FHIP2B: variants seen among roughly 807,000 people sequenced by gnomAD.
FHIP2B encodes the protein FHF complex subunit HOOK interacting protein 2B.
Under a neutral mutation model 84.0 loss-of-function variants are expected in FHIP2B, and 72 were observed. The ratio of observed to expected loss-of-function variants is 0.86; its 90% CI spans 0.71 to 1.04. The LOEUF is 1.04. Among genes scored for constraint, FHIP2B ranks in the 50% least tolerant of loss-of-function variants. The pLI, the probability that FHIP2B is intolerant of heterozygous loss-of-function variation, is 0.00. For synonymous variants in FHIP2B, 497 were observed against 418.7 expected, an observed-to-expected ratio of 1.19 and a Z score of -2.28; for missense variants, 972 against 968.9, an observed-to-expected ratio of 1.00 and a Z score of -0.04.
Position 22,098,152 on chromosome 8 carries a change from T to G in FHIP2B, c.610T>G (p.Cys204Gly). Residue 204 changes from cysteine (C) to glycine (G), a missense_variant, in exon 6 of 17, where the codon TGC (cysteine) becomes GGC (glycine). Transcript: ENST00000289921. ...CACAACCAGCCACGGGGACAAGGAC[T>G]GCTCCCACGATGGTGCTCCTGCCAG... ...KDTTSHGDKD[C>G]SHDGAPARPQ... 3 of 1,577,292 alleles carry G rather than the reference T, an allele frequency of 1.9e-6. No individual in the cohort carries two copies. Among genetic ancestry groups the G allele is most frequent in the Non-Finnish European group, 2.6e-6 (3 of 1,161,972 alleles).
At position 22,098,630 on chromosome 8, in the gene FHIP2B, A is replaced by G; in HGVS notation, c.965+11A>G. ...GGGCATCAGCTGGAGGTGGGTGCCC[A>G]GCCCGGGAAGGCCGGCCAGCATCTT... is the stretch of plus-strand genomic sequence containing the variant. On this transcript the variant is annotated intron_variant, in intron 7 of 16. Coordinates refer to ENST00000289921, the MANE Select transcript of FHIP2B (RefSeq NM_022749.7). 1 of 1,538,954 alleles carries G rather than the reference A, an allele frequency of 6.5e-7. No homozygotes were observed.
chr8:22,094,333 T>G, intron 1 of FHIP2B, 107 bp from the exon 2 acceptor site: 4 of 1,112,362 alleles, frequency 3.6e-6, no homozygotes, highest in Non-Finnish European at 4.9e-6. Context: ...TGCCTCCTCA[T>G]GAGGAGGCCT....
rs1217345355 is a variant in FHIP2B, at chr8:22,091,278, GTCT to G, written c.45+1983_45+1985del. On this transcript the variant is annotated intron_variant, in intron 1 of 16. Coordinates refer to ENST00000289921, the MANE Select transcript of FHIP2B (RefSeq NM_022749.7). Reference sequence around the variant, plus strand: ...TTTTTTTTTTTTTTTTTAAGATGGAGTCTTCCACTGTCACCCAGGCTGGAGTGC... The same window carrying G: ...TTTTTTTTTTTTTTTTTAAGATGGAGTCCACTGTCACCCAGGCTGGAGTGC... 5.4e-5 allele frequency among the ~76,000 whole-genome samples: 7 copies of G among 130,762 alleles called. 1 individual carries two copies. The highest frequency in any genetic ancestry group is 1.7e-4 in the Admixed American group (2 of 11,772). The allele number at this position is 130,762 out of a possible 152,430, so 85.8% of individuals were successfully genotyped here.
At chr8:22,093,609 C>G (rs919628101) in intron 1 of FHIP2B, among the ~76,000 whole-genome samples, 6 of 149,716 alleles carry the variant, frequency 4.0e-5, no homozygotes, top group Non-Finnish European at 7.4e-5. Flanking sequence ...TTGTTAATAT[C>G]ATGCTAATGT....
chr8:22,101,143 C>T, intron 12 of FHIP2B, 171 bp downstream of exon 12: 5 of 811,638 alleles, frequency 6.2e-6, no homozygotes, highest in Non-Finnish European at 9.5e-6. Context: ...GTGCCTCAGC[C>T]TCCCGAGTAC....
intron 2 of FHIP2B, chr8:22,094,803 A>G (rs182662840): frequency 8.1e-7 from 1 of 1,241,006 alleles, no homozygotes; most frequent in Admixed American, 4.4e-5. Flanking sequence ...TCTGCAAGGA[A>G]GAGGTGGCTG....
rs1176508680 is a variant in FHIP2B, at chr8:22,102,271, A to G, written c.1948A>G (p.Ser650Gly). The change falls in exon 15 of 17, where the codon AGC (serine) becomes GGC (glycine). Residue 650 changes from serine to glycine, a missense_variant. Transcript: ENST00000289921. ...IHEYLLDPYI[S>G]LAPGCRSLFS... is the part of the protein sequence containing the mutation. Reference sequence around the variant, plus strand: ...TGAGTACCTGCTGGATCCGTACATCAGCCTGGCCCCCGGCTGCAGGAGCCT... The same window carrying G: ...TGAGTACCTGCTGGATCCGTACATCGGCCTGGCCCCCGGCTGCAGGAGCCT... 2 of 1,612,896 alleles carry G rather than the reference A, an allele frequency of 1.2e-6. No individual in the cohort carries two copies. Among genetic ancestry groups the G allele is most frequent in the Non-Finnish European group, 1.7e-6 (2 of 1,179,874 alleles).
At chr8:22,091,340 C>T (rs967450512) in intron 1 of FHIP2B, among the ~76,000 whole-genome samples, 94 of 151,362 alleles carry the variant, frequency 6.2e-4, no homozygotes, top group African/African-American at 2.3e-3. Context: ...CAACCTCCAC[C>T]TCAAGTGGTT....
At position 22,089,210 on chromosome 8, in the gene FHIP2B, T is replaced by TGCC. The variant is rs1357331141; in HGVS notation, c.-35_-33dup. 5.8e-5 allele frequency: 61 copies of TGCC among 1,051,984 alleles called. No individual in the cohort carries two copies. The Admixed American group carries it at 8.9e-4, about 15-fold the overall frequency. 65.2% of individuals were successfully genotyped at this position (1,051,984 alleles called of 1,614,324 possible). A position where few individuals can be genotyped will look rare whatever the true frequency, so the allele number is the denominator to read the frequency against. On this transcript the variant is annotated 5_prime_UTR_variant, in exon 1 of 17. Coordinates refer to ENST00000289921, the MANE Select transcript of FHIP2B (RefSeq NM_022749.7). ...GGGCTGCCTCCTCCGCCTAGAGCGC[T>TGCC]GCCGCCGCCGCTTTCGCCCGGGAGC...
At chr8:22,101,395 G>A (rs1013041827) in intron 12 of FHIP2B, 45 bp from the exon 13 acceptor site, 1 of 1,476,614 alleles carries the variant, frequency 6.8e-7, no homozygotes, top group Non-Finnish European at 9.3e-7. Flanking sequence ...GCAGGGGAGA[G>A]CAGGGTGAGC....
Position 22,099,691 on chromosome 8 carries a change from C to T in FHIP2B, c.1152-13C>T, listed in dbSNP as rs1475560138. On this transcript the variant is annotated splice_polypyrimidine_tract_variant and intron_variant, in intron 9 of 16. Transcript: ENST00000289921. ...CACACACCGGGCCTGGCTAAGGTGC[C>T]CTCTTCCCGTAGGTCCGAGCAGAGC... The T allele has an allele frequency of 1.9e-6, 3 of 1,558,302 alleles. No individual in the cohort carries two copies. The highest frequency in any genetic ancestry group is 2.6e-6 in the Non-Finnish European group (3 of 1,158,004).
Position 22,102,833 on chromosome 8 carries a change from G to T in FHIP2B, c.2134G>T (p.Glu712Ter). Residue 712 changes from glutamate to a stop codon, truncating the protein, a stop_gained, in exon 17 of 17, where the codon GAG (glutamate) becomes TAG (stop). Transcript: ENST00000289921. LOFTEE classifies it high-confidence loss of function. ...QTLLQGVVVLEEFCKELAAIA... is the reference protein window; with the variant it reads ...QTLLQGVVVL The stretch of plus-strand genomic sequence containing the variant: ...CCTCCTCCAGGGCGTGGTGGTGCTG[G>T]AGGAGTTCTGCAAGGAGCTGGCTGC... 1 of 1,613,694 alleles carries T rather than the reference G, an allele frequency of 6.2e-7. No individual in the cohort carries two copies.
At chr8:22,098,733 C>T (rs1825936821) in intron 7 of FHIP2B, 114 bp downstream of exon 7, 2 of 1,169,338 alleles carry the variant, frequency 1.7e-6, no homozygotes, top group Non-Finnish European at 2.4e-6. Context: ...CTGCTGGCCA[C>T]CCTCTCCCCA....
intron 10 of FHIP2B, chr8:22,100,158 T>A (rs560271885): frequency 2.2e-6 from 1 of 453,250 alleles, no homozygotes; most frequent in East Asian, 4.3e-5. Flanking sequence ...AGTCTCCAAC[T>A]CCTGGCCTCA....
At chr8:22,099,964 C>A in intron 10 of FHIP2B, 71 bp downstream of exon 10, 1 of 1,452,496 alleles carries the variant, frequency 6.9e-7, no homozygotes. Flanking sequence ...ACACTCTTCC[C>A]ATTTCATTAG....
intron 2 of FHIP2B, chr8:22,096,010 A>T (rs1825746357): frequency 5.0e-6 from 1 of 200,312 alleles, no homozygotes; most frequent in African/African-American, 2.3e-5. Context: ...CAGAGCTGAC[A>T]GCAGCCTTCT....
At chr8:22,091,225 T>C (rs1036045914) in intron 1 of FHIP2B, among the ~76,000 whole-genome samples, 1 of 149,420 alleles carries the variant, frequency 6.7e-6, no homozygotes, top group Non-Finnish European at 1.5e-5. Flanking sequence ...TCTAACAGAT[T>C]AGGAATCATT....
chr8:22,102,427 C>T, intron 15 of FHIP2B, 101 bp from the exon 16 acceptor site: 2 of 1,521,220 alleles, frequency 1.3e-6, no homozygotes, highest in Non-Finnish European at 1.8e-6. Flanking sequence ...TTGCCAGTGC[C>T]AGGGAAAGCA....
intron 14 of FHIP2B, 59 bp from the exon 15 acceptor site, chr8:22,102,115 GA>G (rs747684857): frequency 3.1e-4 from 504 of 1,611,576 alleles, no homozygotes; most frequent in Non-Finnish European, 4.1e-4. Context: ...CTTGCTGGGG[GA>G]GTGCAAAAAT....
Sources: gnomAD v4.1 joint callset for allele counts (sites outside exome capture counted in the v4.1 genomes callset) on GRCh38, gnomAD v4.1.1 for gene constraint, MANE v1.5 for transcripts, NCBI Gene and HGNC (gene_info 2026-07-23, HGNC 2026-07-21) for gene names.